PASD1: variants seen among roughly 807,000 people sequenced by gnomAD.
PASD1 encodes PAS domain containing repressor 1.
In PASD1, 13 loss-of-function variants were observed where a neutral mutation model predicts 58.8. The observed-to-expected ratio is 0.22, with a 90% CI of 0.14 to 0.35. PASD1 has a LOEUF of 0.35. PASD1 is among the 10% of genes least tolerant of loss of function. The pLI is 1.00. For missense variants in PASD1, 734 were observed against 568.3 expected (o/e 1.29, Z -2.96); for synonymous variants, 236 against 216.7 (o/e 1.09, Z -0.78).
At chrX:151,585,069 C>T (rs1602910005) in intron 1 of PASD1, among the ~76,000 whole-genome samples, 1 of 112,088 alleles carries the variant, frequency 8.9e-6, no homozygotes, top group East Asian at 2.8e-4. Context: ...TAAGCCTTCC[C>T]TGTCCTGAGG....
At chrX:151,667,226 G>C (rs1343495996) in intron 11 of PASD1, among the ~76,000 whole-genome samples, 1 of 111,998 alleles carries the variant, frequency 8.9e-6, no homozygotes, top group African/African-American at 3.3e-5. Context: ...ACTTGTTGAT[G>C]GGGTTGTTTG....
At chrX:151,663,777 G>A (rs2014339109) in intron 10 of PASD1, among the ~76,000 whole-genome samples, 1 of 111,971 alleles carries the variant, frequency 8.9e-6, no homozygotes, top group African/African-American at 3.2e-5. Flanking sequence ...TTGTGCAGAA[G>A]TGATTTATGA....
chrX:151,672,723 C>T, intron 14 of PASD1, 62 bp downstream of exon 14: 1 of 1,175,014 alleles, frequency 8.5e-7, no homozygotes, highest in Non-Finnish European at 1.1e-6. Context: ...ATGGCTGGAT[C>T]CCATGCCTGA....
intron 2 of PASD1, 129 bp downstream of exon 2, chrX:151,601,710 A>G (rs1318362564): frequency 1.4e-5 from 9 of 655,560 alleles, no homozygotes; most frequent in Non-Finnish European, 1.9e-5. Flanking sequence ...TGGTTTCTCC[A>G]GTGTTTTTTT....
At chrX:151,669,236 C>CAT (rs765393295) in intron 11 of PASD1, among the ~76,000 whole-genome samples, 17 of 103,418 alleles carry the variant, frequency 1.6e-4, no homozygotes, top group Non-Finnish European at 2.7e-4. Flanking sequence ...TGATGGTTTT[C>CAT]ATATTATATA....
At chrX:151,566,915 C>A (rs915331066) in intron 1 of PASD1, among the ~76,000 whole-genome samples, 1 of 109,102 alleles carries the variant, frequency 9.2e-6, no homozygotes, top group Non-Finnish European at 1.9e-5. Context: ...AAGCCCGGTG[C>A]GTGCCTGTAA....
chrX:151,574,831 A>T (rs2012978868), intron 1 of PASD1, among the ~76,000 whole-genome samples: 1 of 111,872 alleles, frequency 8.9e-6, no homozygotes, highest in African/African-American at 3.2e-5. Context: ...TTTATTAAAA[A>T]ATAGAGACGA....
intron 8 of PASD1, among the ~76,000 whole-genome samples, chrX:151,642,614 C>A (rs1356726183): frequency 8.9e-6 from 1 of 111,870 alleles, no homozygotes; most frequent in African/African-American, 3.2e-5. Context: ...TCTAATTTTT[C>A]AATGATTTAG....
intron 2 of PASD1, among the ~76,000 whole-genome samples, chrX:151,604,052 T>A (rs2124254666): frequency 9.0e-6 from 1 of 111,166 alleles, no homozygotes; most frequent in South Asian, 3.8e-4. Context: ...GGAGCACATG[T>A]TGACAGCAAA....
Position 151,674,082 on chromosome X carries a change from C to T in PASD1, c.2071C>T (p.Arg691Trp), listed in dbSNP as rs763065496. 1.4e-5 allele frequency: 17 copies of T among 1,210,184 alleles called. No individual in the cohort carries two copies. The Admixed American group carries it at 1.7e-4, about 12-fold the overall frequency. The change falls in exon 15 of 16, where the codon CGG becomes TGG. Residue 691 changes from arginine (R) to tryptophan (W), a missense_variant. Arg to Trp is a moderately radical substitution (Grantham distance 101). Transcript: ENST00000370357. ...CCTGGAGACCCCACAGGATTACATC[C>T]GGCTTTGGCAAGAGTTGTCTGATTC... is the stretch of plus-strand genomic sequence containing the variant. ...STLETPQDYIRLWQELSDSLG... is the reference protein window; with the variant it reads ...STLETPQDYIWLWQELSDSLG...
Position 151,671,091 on chromosome X carries a change from A to G in PASD1, c.1125A>G (p.Glu375=). 1 of 1,211,805 alleles carries G rather than the reference A, an allele frequency of 8.3e-7. No homozygotes were observed. The highest frequency in any genetic ancestry group is 1.7e-5 in the African/African-American group (1 of 57,864). Residue 375 remains glutamate, a synonymous_variant, in exon 12 of 16, where the codon GAA becomes GAG. Coordinates refer to ENST00000370357, the MANE Select transcript of PASD1 (RefSeq NM_173493.3). Reference sequence around the variant, plus strand: ...ATGACATCATTAGCCAGGAACTGGAACTGATGAAGAAGTTGAAGGAGCAGC... The same window carrying G: ...ATGACATCATTAGCCAGGAACTGGAGCTGATGAAGAAGTTGAAGGAGCAGC... ...VAYDIISQEL[E]LMKKLKEQLE... is the part of the protein sequence containing the mutation.
chrX:151,642,935 G>T (rs2014015292), intron 8 of PASD1, among the ~76,000 whole-genome samples: 1 of 111,165 alleles, frequency 9.0e-6, no homozygotes, highest in Non-Finnish European at 1.9e-5. Flanking sequence ...GCACAGCTTG[G>T]GCTTCCAACC....
rs999751544 is a variant in PASD1 at position 151,676,262 on chromosome X, G to C, written c.*119G>C. The C allele has an allele frequency of 8.0e-5, 59 of 739,042 alleles. No homozygotes were observed. The highest frequency in any genetic ancestry group is 1.1e-4 in the Non-Finnish European group (56 of 524,008). 60.9% of individuals were successfully genotyped at this position (739,042 alleles called of 1,213,427 possible). On this transcript the variant is annotated 3_prime_UTR_variant, in exon 16 of 16. Coordinates refer to ENST00000370357, the MANE Select transcript of PASD1 (RefSeq NM_173493.3). ...CCCTTGGGGTAGGGTTTAGTGGGTA[G>C]AGACTTATTTGTTTCCTGATAGGTT...
In PASD1 at chrX:151,659,847, T is replaced by G; in HGVS notation, c.841+11T>G. ...TGCCTGAATCTCCAGGTAGGTACATTTATGCATTTGGATAGGGACTATTAG... is the reference window on the plus strand; with the variant it reads ...TGCCTGAATCTCCAGGTAGGTACATGTATGCATTTGGATAGGGACTATTAG... On this transcript the variant is annotated intron_variant, in intron 10 of 15. Coordinates refer to ENST00000370357, the MANE Select transcript of PASD1 (RefSeq NM_173493.3). 8.3e-7 allele frequency: 1 copy of G among 1,200,184 alleles called. No individual in the cohort carries two copies.
chrX:151,634,797 C>T (rs2013908250), intron 8 of PASD1, among the ~76,000 whole-genome samples: 2 of 111,646 alleles, frequency 1.8e-5, no homozygotes, highest in Non-Finnish European at 3.8e-5. Context: ...ACTTTGATCA[C>T]ATGGTTAAAG....
chrX:151,632,437 CAG>C (rs1010662814), intron 8 of PASD1, among the ~76,000 whole-genome samples: 1 of 111,376 alleles, frequency 9.0e-6, no homozygotes, highest in African/African-American at 3.3e-5. Flanking sequence ...ATAGCTGGAG[CAG>C]AGTCACCAGA....
Position 151,673,955 on chromosome X carries a change from C to T in PASD1, c.1944C>T (p.Pro648=), listed in dbSNP as rs758567872. The T allele has an allele frequency of 1.7e-6, 2 of 1,210,894 alleles. No homozygotes were observed. The highest frequency in any genetic ancestry group is 4.3e-5 in the Admixed American group (2 of 46,041). ...TTTATCCTGAGGCGTATCAAGGGCC[C>T]CCCGTGAACCAGCTGCCATTGATAG... ...QSFYPEAYQG[P]PVNQLPLIDT... is the part of the protein sequence containing the mutation. The change falls in exon 15 of 16, where the codon CCC becomes CCT. Residue 648 remains proline (P), a synonymous_variant. Coordinates refer to ENST00000370357, the MANE Select transcript of PASD1 (RefSeq NM_173493.3).
chrX:151,656,665 A>T (rs1458987083), intron 9 of PASD1, among the ~76,000 whole-genome samples: 2 of 110,774 alleles, frequency 1.8e-5, no homozygotes, highest in African/African-American at 3.3e-5. Context: ...TGTTTGTCTG[A>T]TATTGGTGTA....
intron 11 of PASD1, among the ~76,000 whole-genome samples, chrX:151,664,920 T>C (rs2014359611): frequency 9.0e-6 from 1 of 111,468 alleles, no homozygotes; most frequent in African/African-American, 3.3e-5. Context: ...TCCTCTACCC[T>C]GAAATGTGTG....
Sources: gnomAD v4.1 joint callset for allele counts (sites outside exome capture counted in the v4.1 genomes callset) on GRCh38, gnomAD v4.1.1 for gene constraint, MANE v1.5 for transcripts, NCBI Gene and HGNC (gene_info 2026-07-23, HGNC 2026-07-21) for gene names.